MS4A4E: variants seen among roughly 807,000 people sequenced by gnomAD.
The protein encoded by MS4A4E is membrane spanning 4-domains A4E, also known as putative membrane-spanning 4-domains subfamily A member 4E.
In MS4A4E, 23 loss-of-function variants were observed where a neutral mutation model predicts 13.3. That is an observed-to-expected ratio of 1.73 (90% confidence interval 1.25 to 2.45). The LOEUF (loss-of-function observed/expected upper bound fraction) is 2.45. MS4A4E is among the 30% of genes most tolerant of loss of function. MS4A4E has a pLI of 0.00. For missense variants in MS4A4E, 144 were observed against 131.2 expected (o/e 1.10, Z -0.48); for synonymous variants, 36 against 45.6 (o/e 0.79, Z 0.85).
At chr11:60,226,884 C>G (rs1191461946) in intron 3 of MS4A4E, among the ~76,000 whole-genome samples, 1 of 152,092 alleles carries the variant, frequency 6.6e-6, no homozygotes, top group Non-Finnish European at 1.5e-5. Flanking sequence ...TGTAGAATAT[C>G]TGAAAGAATC....
chr11:60,241,985 A>C (rs891424525), intron 1 of MS4A4E, among the ~76,000 whole-genome samples: 1 of 151,952 alleles, frequency 6.6e-6, no homozygotes, highest in Non-Finnish European at 1.5e-5. Flanking sequence ...CCTCATTTTT[A>C]TGTCACCATC....
intron 3 of MS4A4E, chr11:60,224,910 G>A (rs2134953488): frequency 2.2e-6 from 3 of 1,335,600 alleles, no homozygotes; most frequent in Admixed American, 2.6e-5. Context: ...AAAGATCAGG[G>A]TATTTACACC....
chr11:60,236,171 C>G (rs755883603), intron 1 of MS4A4E, among the ~76,000 whole-genome samples: 63 of 152,104 alleles, frequency 4.1e-4, no homozygotes, highest in Non-Finnish European at 1.9e-4. Context: ...ATATGTCTGT[C>G]CTTATGCCAA....
chr11:60,239,526 A>G (rs547572820), intron 1 of MS4A4E, among the ~76,000 whole-genome samples: 5 of 152,306 alleles, frequency 3.3e-5, no homozygotes, highest in Middle Eastern at 3.4e-3. Context: ...ATAACTGGTG[A>G]GAGCATGTTA....
chr11:60,240,335 T>C (rs957823635), intron 1 of MS4A4E, among the ~76,000 whole-genome samples: 1 of 152,192 alleles, frequency 6.6e-6, no homozygotes, highest in Non-Finnish European at 1.5e-5. Context: ...TAACTCTGTA[T>C]TTCTCCCATC....
intron 1 of MS4A4E, among the ~76,000 whole-genome samples, chr11:60,237,491 T>G (rs1402903656): frequency 6.6e-6 from 1 of 152,202 alleles, no homozygotes; most frequent in Non-Finnish European, 1.5e-5. Context: ...TTGAATGGTA[T>G]TTCTGTTTTT....
At chr11:60,220,493 T>C (rs4497428) in intron 3 of MS4A4E, among the ~76,000 whole-genome samples, 23,133 of 152,182 alleles carry the variant, frequency 0.15, 2,018 homozygotes, top group African/African-American at 0.23. Flanking sequence ...TCTCTGGCTT[T>C]GTGTCATGAC....
At chr11:60,213,166 A>T in intron 4 of MS4A4E, 34 bp from the exon 5 acceptor site, 6 of 922,266 alleles carry the variant, frequency 6.5e-6, no homozygotes, top group Middle Eastern at 2.5e-4. Context: ...AAGCAATCCA[A>T]CATCATCCTC....
intron 3 of MS4A4E, among the ~76,000 whole-genome samples, chr11:60,215,028 G>T (rs1469133234): frequency 3.3e-5 from 5 of 152,052 alleles, no homozygotes; most frequent in Non-Finnish European, 4.4e-5. Flanking sequence ...ATAAAATTTA[G>T]TTCCCAGTTA....
At chr11:60,209,810 C>T (rs944571564) in intron 5 of MS4A4E, among the ~76,000 whole-genome samples, 1 of 152,110 alleles carries the variant, frequency 6.6e-6, no homozygotes, top group African/African-American at 2.4e-5. Flanking sequence ...AGGGATAGTC[C>T]CTCTGTTGCG....
intron 3 of MS4A4E, among the ~76,000 whole-genome samples, chr11:60,222,801 C>T (rs528601815): frequency 1.4e-4 from 21 of 152,078 alleles, no homozygotes; most frequent in Non-Finnish European, 2.6e-4. Flanking sequence ...TCTAAGTCAA[C>T]CAGCTAAGAA....
At chr11:60,241,884 G>T (rs906093881) in intron 1 of MS4A4E, among the ~76,000 whole-genome samples, 2 of 151,282 alleles carry the variant, frequency 1.3e-5, no homozygotes, top group African/African-American at 2.4e-5. Context: ...TCCCCACCCC[G>T]GATAAAGAGG....
At chr11:60,234,593 C>T (rs2084456375) in intron 1 of MS4A4E, among the ~76,000 whole-genome samples, 1 of 152,154 alleles carries the variant, frequency 6.6e-6, no homozygotes, top group Non-Finnish European at 1.5e-5. Flanking sequence ...TCCATGGGAT[C>T]ACCCTCACCA....
chr11:60,235,152 TC>T (rs1404895696), intron 1 of MS4A4E, among the ~76,000 whole-genome samples: 1 of 152,192 alleles, frequency 6.6e-6, no homozygotes, highest in Non-Finnish European at 1.5e-5. Context: ...AGGGTCTCAC[TC>T]TATCACACAA....
At chr11:60,230,163 C>G (rs772590951) in intron 1 of MS4A4E, 92 bp from the exon 2 acceptor site, 5 of 1,372,348 alleles carry the variant, frequency 3.6e-6, no homozygotes, top group Non-Finnish European at 4.8e-6. Flanking sequence ...AAGGACAAAA[C>G]CTGGTCTACA....
At chr11:60,207,290 TG>T (rs2084060398) in intron 6 of MS4A4E, among the ~76,000 whole-genome samples, 1 of 152,196 alleles carries the variant, frequency 6.6e-6, no homozygotes, top group African/African-American at 2.4e-5. Flanking sequence ...ACTGCTTTTC[TG>T]GACTCAAACC....
At chr11:60,231,839 G>T (rs1017023508) in intron 1 of MS4A4E, among the ~76,000 whole-genome samples, 3 of 152,156 alleles carry the variant, frequency 2.0e-5, no homozygotes, top group Admixed American at 2.0e-4. Context: ...AAAGAAGGAA[G>T]TAGATATGCT....
At chr11:60,234,198 T>G in intron 1 of MS4A4E, among the ~76,000 whole-genome samples, 1 of 152,216 alleles carries the variant, frequency 6.6e-6, no homozygotes, top group South Asian at 2.1e-4. Flanking sequence ...AAGTCATACC[T>G]TGAATCTCAT....
chr11:60,226,480 A>G (rs578173408), intron 3 of MS4A4E, among the ~76,000 whole-genome samples: 1 of 152,324 alleles, frequency 6.6e-6, no homozygotes, highest in East Asian at 1.9e-4. Flanking sequence ...GGCTGACTAG[A>G]CATTCAAAAA....
Sources: allele counts gnomAD v4.1 joint callset (sites outside exome capture counted in the v4.1 genomes callset), GRCh38; gene constraint gnomAD v4.1.1; transcripts MANE v1.5; gene names NCBI Gene and HGNC (gene_info 2026-07-23, HGNC 2026-07-21).